TDRP: variants seen among roughly 807,000 people sequenced by gnomAD.
TDRP encodes the protein testis development-related protein.
TDRP carries 12 observed loss-of-function variants against 10.5 expected under a neutral mutation model. The observed-to-expected ratio is 1.15, with a 90% CI of 0.73 to 1.86. TDRP has a LOEUF of 1.86. TDRP is among the 40% of genes most tolerant of loss of function. The probability of loss-of-function intolerance (pLI) is 0.00; values close to 1 mark genes in which losing one functional copy is unlikely to be tolerated. For missense variants in TDRP, 353 were observed against 229.2 expected (o/e 1.54, Z -3.49); for synonymous variants, 139 against 95.4 (o/e 1.46, Z -2.67).
intron 1 of TDRP, among the ~76,000 whole-genome samples, chr8:496,496 T>G (rs1801139797): frequency 6.6e-6 from 1 of 152,316 alleles, no homozygotes; most frequent in African/African-American, 2.4e-5. Context: ...CTTGGGGAAC[T>G]TAGCTCACAC....
intron 1 of TDRP, among the ~76,000 whole-genome samples, chr8:536,459 T>C (rs1802350406): frequency 6.6e-6 from 1 of 152,262 alleles, no homozygotes; most frequent in South Asian, 2.1e-4. Context: ...TAAGTATGTT[T>C]GGAAGAACTC....
intron 1 of TDRP, among the ~76,000 whole-genome samples, chr8:513,446 T>C (rs1801669795): frequency 6.6e-6 from 1 of 152,044 alleles, no homozygotes; most frequent in Admixed American, 6.5e-5. Context: ...TTTGGCAAAA[T>C]CCAATACTCT....
At chr8:531,766 T>C (rs922424851) in intron 1 of TDRP, among the ~76,000 whole-genome samples, 11 of 152,226 alleles carry the variant, frequency 7.2e-5, no homozygotes, top group African/African-American at 2.7e-4. Context: ...TCATCTTCAG[T>C]CCACAAGCTT....
intron 1 of TDRP, among the ~76,000 whole-genome samples, chr8:521,507 T>C: frequency 6.6e-6 from 1 of 152,194 alleles, no homozygotes; most frequent in South Asian, 2.1e-4. Context: ...TTTTCTCCAT[T>C]GTGTAATCCA....
rs1460215030 is a variant in TDRP at position 492,083 on chromosome 8, T to C, written c.*316A>G. On this transcript the variant is annotated 3_prime_UTR_variant, in exon 3 of 3. Transcript: ENST00000324079. ...ACAACACAGAGCAGCATGAAAATCA[T>C]TTTGTGAGAAACTGCAAATCATTAC... 7.7e-6 allele frequency: 9 copies of C among 1,167,284 alleles called. No homozygotes were observed. In the South Asian group the frequency reaches 3.6e-4, roughly 47 times the overall value. The allele number at this position is 1,167,284 out of a possible 1,614,324, so 72.3% of individuals were successfully genotyped here.
intron 1 of TDRP, among the ~76,000 whole-genome samples, chr8:536,661 T>C (rs775159656): frequency 3.9e-5 from 6 of 152,242 alleles, no homozygotes; most frequent in Non-Finnish European, 5.9e-5. Flanking sequence ...TGATTACCTA[T>C]TGATGTAATA....
chr8:526,246 T>C (rs1448089), intron 1 of TDRP, among the ~76,000 whole-genome samples: 86,338 of 151,982 alleles, frequency 0.57, 25,524 homozygotes, highest in Admixed American at 0.66. Flanking sequence ...GATCTGCCCA[T>C]CTCAGCCTAT....
chr8:520,256 C>G (rs183185853), intron 1 of TDRP, among the ~76,000 whole-genome samples: 1 of 152,288 alleles, frequency 6.6e-6, no homozygotes, highest in East Asian at 1.9e-4. Context: ...TTCTCAAGTT[C>G]ATCCATATAC....
intron 1 of TDRP, among the ~76,000 whole-genome samples, chr8:518,075 C>G (rs558846819): frequency 2.6e-5 from 4 of 152,150 alleles, no homozygotes; most frequent in Non-Finnish European, 4.4e-5. Flanking sequence ...ACTCACAGAA[C>G]AGACAACACC....
chr8:539,239 G>A (rs532663223), intron 1 of TDRP, among the ~76,000 whole-genome samples: 3 of 152,106 alleles, frequency 2.0e-5, no homozygotes, highest in African/African-American at 4.8e-5. Context: ...GGGTGGGGCC[G>A]GCACGATGGG....
At chr8:516,735 A>G (rs1801766152) in intron 1 of TDRP, among the ~76,000 whole-genome samples, 1 of 152,212 alleles carries the variant, frequency 6.6e-6, no homozygotes, top group African/African-American at 2.4e-5. Context: ...CAAGCCGGCA[A>G]TCACGGTTCT....
At chr8:514,031 C>A (rs1801688295) in intron 1 of TDRP, among the ~76,000 whole-genome samples, 1 of 152,212 alleles carries the variant, frequency 6.6e-6, no homozygotes, top group Non-Finnish European at 1.5e-5. Flanking sequence ...CCAAACTGAT[C>A]TACACATTCA....
intron 2 of TDRP, among the ~76,000 whole-genome samples, chr8:494,058 G>C (rs1432574492): frequency 7.5e-6 from 1 of 133,430 alleles, no homozygotes; most frequent in Non-Finnish European, 1.5e-5. Flanking sequence ...ACAGGTTCAA[G>C]CAATTCTCCT....
At chr8:536,521 G>A (rs1315713702) in intron 1 of TDRP, among the ~76,000 whole-genome samples, 2 of 152,100 alleles carry the variant, frequency 1.3e-5, no homozygotes. Context: ...TCTAAATACT[G>A]ATCAAGTATT....
intron 1 of TDRP, among the ~76,000 whole-genome samples, chr8:507,082 C>A (rs143700994): frequency 1.6e-4 from 25 of 152,262 alleles, no homozygotes; most frequent in African/African-American, 5.3e-4. Flanking sequence ...GAGGCAGGCA[C>A]CTTCTTCACA....
chr8:541,599 A>T (rs1802495901), intron 1 of TDRP, among the ~76,000 whole-genome samples: 1 of 152,232 alleles, frequency 6.6e-6, no homozygotes, highest in Admixed American at 6.5e-5. Flanking sequence ...GCGGAGAAAG[A>T]TCTAAACAGA....
intron 1 of TDRP, among the ~76,000 whole-genome samples, chr8:528,565 G>C (rs987762238): frequency 1.5e-5 from 2 of 136,942 alleles, no homozygotes; most frequent in Admixed American, 7.8e-5. Context: ...TCTGGTACTT[G>C]ACAGCACAAC....
chr8:541,533 A>G (rs1273105960), intron 1 of TDRP, among the ~76,000 whole-genome samples: 1 of 152,268 alleles, frequency 6.6e-6, no homozygotes, highest in Non-Finnish European at 1.5e-5. Flanking sequence ...TATCCAAAAC[A>G]TACAAAGAAC....
rs191002108 is a variant in TDRP at position 540,731 on chromosome 8, T to A, written c.108+3919A>T. 1.6e-3 allele frequency among the ~76,000 whole-genome samples: 245 copies of A among 151,250 alleles called. 1 individual carries two copies. The highest frequency in any genetic ancestry group is 5.8e-3 in the African/African-American group (238 of 41,170). ...AAATTATTTTAGTAATAGTTAAGTG[T>A]CCCATAAATCTAAGTAATTTTGAAT... is the stretch of plus-strand genomic sequence containing the variant. On this transcript the variant is annotated intron_variant, in intron 1 of 2. Transcript: ENST00000324079.
Sources: allele counts gnomAD v4.1 joint callset (sites outside exome capture counted in the v4.1 genomes callset), GRCh38; gene constraint gnomAD v4.1.1; transcripts MANE v1.5; gene names NCBI Gene and HGNC (gene_info 2026-07-23, HGNC 2026-07-21).